Variants in SSPN observed in about 807,000 individuals in gnomAD.
SSPN encodes the protein K-ras oncogene-associated protein.
Under a neutral mutation model 19.1 loss-of-function variants are expected in SSPN, and 15 were observed. The ratio of observed to expected loss-of-function variants is 0.78; its 90% CI spans 0.52 to 1.21. The LOEUF (loss-of-function observed/expected upper bound fraction) is 1.21, where lower values mean the gene tolerates loss of function less well. SSPN is among the 50% of genes most tolerant of loss of function. The pLI, the probability that SSPN is intolerant of heterozygous loss-of-function variation, is 0.00. For missense variants in SSPN, 291 were observed against 314.0 expected, an observed-to-expected ratio of 0.93 and a Z score of 0.55; for synonymous variants, 147 against 140.3, an observed-to-expected ratio of 1.05 and a Z score of -0.34.
chr12:26,144,636 A>G lies in SSPN; in HGVS notation c.-31+22484A>G, dbSNP rs2729642. Reference sequence around the variant, plus strand: ...AAGAGCAGGCAATGAATAGGATACAACTTATGGCAATTATTGCAATATAAG... The same window carrying G: ...AAGAGCAGGCAATGAATAGGATACAGCTTATGGCAATTATTGCAATATAAG... On this transcript the variant is annotated intron_variant, in intron 1 of 2. Transcript: ENST00000538142. 6.9e-3 allele frequency among the ~76,000 whole-genome samples: 1,048 copies of G among 152,304 alleles called. 11 individuals are homozygous for G. The highest frequency in any genetic ancestry group is 0.024 in the African/African-American group (992 of 41,562).
At chr12:26,145,996 A>G (rs922739488) in intron 1 of SSPN, among the ~76,000 whole-genome samples, 1 of 152,170 alleles carries the variant, frequency 6.6e-6, no homozygotes, top group Non-Finnish European at 1.5e-5. Context: ...GCCCTCTCAC[A>G]TTAGCTGACA....
chr12:26,142,552 T>C (rs117108918), intron 1 of SSPN, among the ~76,000 whole-genome samples: 457 of 152,268 alleles, frequency 3.0e-3, no homozygotes, highest in Non-Finnish European at 5.1e-3. Flanking sequence ...ATGAGACAGA[T>C]TTCACTGTGA....
chr12:26,181,593 CAT>C (rs1223499242), intron 1 of SSPN, among the ~76,000 whole-genome samples: 1 of 152,222 alleles, frequency 6.6e-6, no homozygotes, highest in Non-Finnish European at 1.5e-5. Context: ...TATCTAAAAA[CAT>C]ATGACTGTGA....
chr12:26,137,125 C>G (rs61915716), intron 1 of SSPN, among the ~76,000 whole-genome samples: 25,251 of 152,112 alleles, frequency 0.17, 2,220 homozygotes, highest in Non-Finnish European at 0.2. Context: ...TTTAATTGCT[C>G]AACAACCCTT....
chr12:26,175,649 T>C (rs547806904), intron 1 of SSPN, among the ~76,000 whole-genome samples: 1 of 152,276 alleles, frequency 6.6e-6, no homozygotes. Flanking sequence ...GATGCCAAAA[T>C]TTTAGCTCAA....
intron 1 of SSPN, among the ~76,000 whole-genome samples, chr12:26,169,193 A>C (rs1207522236): frequency 6.6e-6 from 1 of 151,848 alleles, no homozygotes; most frequent in Non-Finnish European, 1.5e-5. Flanking sequence ...TTTTCTACTA[A>C]CTTTTTTTTT....
upstream of SSPN, among the ~76,000 whole-genome samples, chr12:26,192,647 AT>A (rs1439048087): frequency 5.9e-5 from 9 of 152,218 alleles, 1 homozygote; most frequent in African/African-American, 2.2e-4. Context: ...AGATTCAACC[AT>A]GCTGTTGGGA....
chr12:26,130,088 C>A (rs1460587523), intron 1 of SSPN, among the ~76,000 whole-genome samples: 1 of 152,166 alleles, frequency 6.6e-6, no homozygotes, highest in Admixed American at 6.5e-5. Flanking sequence ...GGAAAAGTAG[C>A]ATGAGGAGGA....
intron 1 of SSPN, among the ~76,000 whole-genome samples, chr12:26,182,103 G>A (rs1271228704): frequency 1.3e-5 from 2 of 152,184 alleles, no homozygotes; most frequent in African/African-American, 4.8e-5. Context: ...GAAGAGTTTA[G>A]AACTGGGAAT....
At chr12:26,211,687 G>T (rs1482409397) in intron 1 of SSPN, 1 of 152,160 alleles carries the variant, frequency 6.6e-6, no homozygotes, top group African/African-American at 2.4e-5. Flanking sequence ...AAGCAACATA[G>T]GAGATACAAG....
At chr12:26,134,112 A>G (rs1357960771) in intron 1 of SSPN, among the ~76,000 whole-genome samples, 1 of 152,218 alleles carries the variant, frequency 6.6e-6, no homozygotes, top group Non-Finnish European at 1.5e-5. Context: ...GTTCTTGCCT[A>G]CATCTCAGTC....
At chr12:26,182,393 T>C (rs12315774) in intron 1 of SSPN, among the ~76,000 whole-genome samples, 41,210 of 152,092 alleles carry the variant, frequency 0.27, 5,798 homozygotes, top group East Asian at 0.35. Flanking sequence ...CATTAAGTAA[T>C]AAGAATGATA....
In SSPN at chr12:26,195,596, C is replaced by T. The variant is rs1160164824; in HGVS notation, c.-77C>T. On this transcript the variant is annotated 5_prime_UTR_variant, in exon 1 of 3. Transcript: ENST00000242729. The stretch of plus-strand genomic sequence containing the variant: ...CCATAATTCGAATACCAGGGCAGGC[C>T]GAGCCAGCCGTGCGCCGCGCTCCAG... 2 of 1,336,866 alleles carry T rather than the reference C, an allele frequency of 1.5e-6. No homozygotes were observed. Among genetic ancestry groups the T allele is most frequent in the Non-Finnish European group, 1.9e-6 (2 of 1,050,520 alleles). The allele number at this position is 1,336,866 out of a possible 1,614,324, so 82.8% of individuals were successfully genotyped here.
chr12:26,200,304 G>A (rs1005157428), intron 1 of SSPN, among the ~76,000 whole-genome samples: 1 of 152,108 alleles, frequency 6.6e-6, no homozygotes, highest in Admixed American at 6.5e-5. Flanking sequence ...ACATGAATCT[G>A]TAATGATTAA....
intron 1 of SSPN, chr12:26,124,643 C>G: frequency 6.2e-7 from 1 of 1,612,418 alleles, no homozygotes; most frequent in Non-Finnish European, 8.5e-7. Context: ...CTCGCCAGCT[C>G]CATACCACTT....
intron 1 of SSPN, among the ~76,000 whole-genome samples, chr12:26,149,298 A>G (rs888287678): frequency 6.6e-6 from 1 of 152,210 alleles, no homozygotes; most frequent in African/African-American, 2.4e-5. Context: ...TTGTATTTGT[A>G]TACATCTACA....
At chr12:26,206,515 G>T (rs1357377114) in intron 1 of SSPN, among the ~76,000 whole-genome samples, 2 of 152,120 alleles carry the variant, frequency 1.3e-5, no homozygotes, top group African/African-American at 4.8e-5. Context: ...GAACCCAGGA[G>T]TTTAATATAG....
chr12:26,161,826 G>A (rs942492459), intron 1 of SSPN, among the ~76,000 whole-genome samples: 10 of 152,264 alleles, frequency 6.6e-5, no homozygotes, highest in South Asian at 2.1e-4. Flanking sequence ...CCTCGCATGC[G>A]CAGTTCACAA....
At chr12:26,132,503 A>C (rs1944402411) in intron 1 of SSPN, among the ~76,000 whole-genome samples, 1 of 152,224 alleles carries the variant, frequency 6.6e-6, no homozygotes, top group Non-Finnish European at 1.5e-5. Flanking sequence ...GCACGTTAGA[A>C]ATCATTCCAG....
Sources: allele counts gnomAD v4.1 joint callset (sites outside exome capture counted in the v4.1 genomes callset), GRCh38; gene constraint gnomAD v4.1.1; transcripts MANE v1.5; gene names NCBI Gene and HGNC (gene_info 2026-07-23, HGNC 2026-07-21).